RELCH: variants seen among roughly 807,000 people sequenced by gnomAD.
RELCH encodes RAB11-binding protein RELCH.
A neutral mutation model predicts 150.3 loss-of-function variants in RELCH; 41 were observed. That is an observed-to-expected ratio of 0.27 (90% CI 0.21 to 0.35). RELCH has a LOEUF of 0.35. RELCH is among the 10% of genes least tolerant of loss of function. The pLI is 1.00. For missense variants in RELCH, 1,092 were observed against 1,467.8 expected (o/e 0.74, Z 4.18); for synonymous variants, 478 against 531.8 (o/e 0.90, Z 1.39).
At chr18:62,205,898 A>G (rs2039748636) in intron 1 of RELCH, among the ~76,000 whole-genome samples, 1 of 151,974 alleles carries the variant, frequency 6.6e-6, no homozygotes, top group South Asian at 2.1e-4. Context: ...CTGGTGGCTC[A>G]TAGTCCCACC....
At chr18:62,231,485 G>C (rs1189913290) in intron 9 of RELCH, among the ~76,000 whole-genome samples, 1 of 151,842 alleles carries the variant, frequency 6.6e-6, no homozygotes, top group African/African-American at 2.4e-5. Flanking sequence ...TTTTATTAAC[G>C]TTAAAGTGAC....
intron 25 of RELCH, chr18:62,284,244 T>C (rs1279945962): frequency 2.0e-5 from 3 of 152,230 alleles, no homozygotes; most frequent in Non-Finnish European, 4.4e-5. Context: ...GACAGTTTTA[T>C]TGTAGAATAG....
rs142982095 is a variant in RELCH, at chr18:62,250,290, G to A, written c.1734-2374G>A. Among the ~76,000 whole-genome samples, 913 of 152,210 alleles carry A rather than the reference G, an allele frequency of 6.0e-3. 5 individuals are homozygous for A. Among genetic ancestry groups the A allele is most frequent in the Non-Finnish European group, 0.01 (705 of 68,014 alleles). ...TTGTAGTCTTTAGTATAGTGATGGT[G>A]ACTTATGATTTATAGTCATTTCATG... On this transcript the variant is annotated intron_variant, in intron 11 of 28. Transcript: ENST00000644646.
chr18:62,260,108 AC>A (rs2144671685), intron 15 of RELCH, among the ~76,000 whole-genome samples: 1 of 151,456 alleles, frequency 6.6e-6, no homozygotes, highest in Non-Finnish European at 1.5e-5. Flanking sequence ...CAAACAGCCT[AC>A]AGAATGGGAG....
At chr18:62,232,202 T>C (rs2041625369) in intron 9 of RELCH, 130 bp from the exon 10 acceptor site, 1 of 596,476 alleles carries the variant, frequency 1.7e-6, no homozygotes. Context: ...GTTGTTGTTG[T>C]TATCATAAGT....
At chr18:62,229,524 G>GTCTA in intron 8 of RELCH, among the ~76,000 whole-genome samples, 1 of 150,446 alleles carries the variant, frequency 6.6e-6, no homozygotes, top group African/African-American at 2.4e-5. Context: ...GTGTGTGTCT[G>GTCTA]TCTGTCTGTC....
intron 25 of RELCH, among the ~76,000 whole-genome samples, chr18:62,284,084 T>C (rs575307993): frequency 2.8e-4 from 43 of 152,216 alleles, no homozygotes; most frequent in Non-Finnish European, 5.7e-4. Flanking sequence ...TCTTATAGGA[T>C]CTGCTCCAAT....
chr18:62,266,819 A>G (rs986071465), intron 19 of RELCH, 70 bp downstream of exon 19: 3 of 881,996 alleles, frequency 3.4e-6, no homozygotes, highest in Non-Finnish European at 5.4e-6. Flanking sequence ...TATATTCTCC[A>G]TATATGTAAA....
At chr18:62,299,931 G>C (rs780433190) in intron 28 of RELCH, 18 of 151,970 alleles carry the variant, frequency 1.2e-4, no homozygotes, top group Non-Finnish European at 2.5e-4. Flanking sequence ...ATCATCAACT[G>C]TCTGGCTTTT....
Position 62,282,352 on chromosome 18 carries a change from C to T in RELCH, c.3161C>T (p.Pro1054Leu). The change falls in exon 25 of 29, where the codon CCT becomes CTT. Residue 1054 changes from proline (P) to leucine (L), a missense_variant. Physicochemically the swap from Pro to Leu is moderately conservative, Grantham distance 98. Around this residue, in one of 4 missense-constraint regions of RELCH, gnomAD observed 707 missense variants for 1,025.4 expected, o/e 0.69. Coordinates refer to ENST00000644646, the MANE Select transcript of RELCH (RefSeq NM_001346231.2). ...KMQLASFLED[P>L]QYQDQHSLHT... ...CAGTTGGCTTCTTTCCTGGAAGATCCTCAGTATCAAGACCAACATTCTTTG... is the reference window on the plus strand; with the variant it reads ...CAGTTGGCTTCTTTCCTGGAAGATCTTCAGTATCAAGACCAACATTCTTTG... 1 of 1,612,790 alleles carries T rather than the reference C, an allele frequency of 6.2e-7. No individual in the cohort carries two copies.
intron 2 of RELCH, among the ~76,000 whole-genome samples, chr18:62,219,469 A>G (rs2040708086): frequency 6.7e-6 from 1 of 150,372 alleles, no homozygotes; most frequent in Admixed American, 6.6e-5. Flanking sequence ...ATATTTTTAA[A>G]TCAAAATCAA....
At chr18:62,279,913 G>A in intron 23 of RELCH, 57 bp downstream of exon 23, 1 of 1,066,058 alleles carries the variant, frequency 9.4e-7, no homozygotes, top group Non-Finnish European at 1.4e-6. Flanking sequence ...TGCCTGTCAA[G>A]AAATAACCAT....
At position 62,308,905 on chromosome 18, in the gene RELCH, T is replaced by C. The variant is rs2045944516; in HGVS notation, c.*3371T>C. Reference sequence around the variant, plus strand: ...TCAAAGTTCTACTGTAACTTTACAGTGTGCTTAGTTTTGATACTATTTTTT... The same window carrying C: ...TCAAAGTTCTACTGTAACTTTACAGCGTGCTTAGTTTTGATACTATTTTTT... On this transcript the variant is annotated 3_prime_UTR_variant, in exon 29 of 29. Coordinates refer to ENST00000644646, the MANE Select transcript of RELCH (RefSeq NM_001346231.2). 3 of 152,166 alleles carry C rather than the reference T, an allele frequency of 2.0e-5. No homozygotes were observed. The South Asian group carries it at 6.2e-4, about 32-fold the overall frequency. The allele number at this position is 152,166 out of a possible 1,614,324, so 9.4% of individuals were successfully genotyped here.
At position 62,268,889 on chromosome 18, in the gene RELCH, G is replaced by T; in HGVS notation, c.2701G>T (p.Val901Phe). The change falls in exon 20 of 29, where the codon GTC becomes TTC. Residue 901 changes from valine (V) to phenylalanine (F), a missense_variant. Physicochemically the swap from Val to Phe is conservative, Grantham distance 50 (BLOSUM62 -1). This residue lies in a region of RELCH where 707 missense variants were observed against 1,025.4 expected (regional missense o/e 0.69). Coordinates refer to ENST00000644646, the MANE Select transcript of RELCH (RefSeq NM_001346231.2). ...ENIDSSAGNG[V>F]LTKATVPIYA... ...TTTAGATTCCTCAGCAGGAAATGGG[G>T]TCCTCACTAAAGCTACAGTCCCCAT... is the stretch of plus-strand genomic sequence containing the variant. The T allele has an allele frequency of 2.6e-6, 4 of 1,536,154 alleles. No individual in the cohort carries two copies. The highest frequency in any genetic ancestry group is 1.9e-5 in the Admixed American group (1 of 53,250).
intron 1 of RELCH, among the ~76,000 whole-genome samples, chr18:62,189,565 G>T (rs1319283714): frequency 1.3e-5 from 2 of 152,110 alleles, no homozygotes; most frequent in African/African-American, 4.8e-5. Context: ...GAACATAACT[G>T]AATTGTATCT....
At chr18:62,290,453 C>G (rs1376580955) in intron 26 of RELCH, among the ~76,000 whole-genome samples, 7 of 152,152 alleles carry the variant, frequency 4.6e-5, no homozygotes, top group Non-Finnish European at 1.0e-4. Context: ...ATCACTTGAA[C>G]CCAGGAGGCG....
In RELCH at chr18:62,291,529, T is replaced by C. The variant is rs1396667441; in HGVS notation, c.3371-14T>C. The C allele has an allele frequency of 7.7e-6, 12 of 1,567,598 alleles. No individual in the cohort carries two copies. Among genetic ancestry groups the C allele is most frequent in the Non-Finnish European group, 1.0e-5 (12 of 1,146,246 alleles). On this transcript the variant is annotated splice_polypyrimidine_tract_variant and intron_variant, in intron 26 of 28. Coordinates refer to ENST00000644646, the MANE Select transcript of RELCH (RefSeq NM_001346231.2). ...TTTGGTTTTGTTTAATTCCCTTAAC[T>C]ACCTTGTCCCAAGTCATTTCAGAGG...
intron 21 of RELCH, among the ~76,000 whole-genome samples, chr18:62,275,140 C>G (rs1443549736): frequency 6.6e-6 from 1 of 152,206 alleles, no homozygotes; most frequent in Non-Finnish European, 1.5e-5. Context: ...TGGTCTCGAT[C>G]TCTTGACCTC....
chr18:62,295,050 A>G (rs1480748673), intron 27 of RELCH, among the ~76,000 whole-genome samples: 1 of 152,194 alleles, frequency 6.6e-6, no homozygotes, highest in Non-Finnish European at 1.5e-5. Context: ...TCAGTAGGAC[A>G]AGTCCAGCAT....
Sources: gnomAD v4.1 joint callset for allele counts (sites outside exome capture counted in the v4.1 genomes callset) on GRCh38, gnomAD v4.1.1 for gene constraint, gnomAD v4.1.1 regional missense constraint, MANE v1.5 for transcripts, NCBI Gene and HGNC (gene_info 2026-07-23, HGNC 2026-07-21) for gene names.